The following NELL1 variants were observed in gnomAD, a reference collection of about 807,000 sequenced individuals.
NELL1 encodes protein kinase C-binding protein NELL1.
A neutral mutation model predicts 107.4 loss-of-function variants in NELL1; 76 were observed. That is an observed-to-expected ratio of 0.71 (90% confidence interval 0.59 to 0.86). NELL1 has a LOEUF of 0.86. Among genes scored for constraint, NELL1 ranks in the 40% least tolerant of loss-of-function variants. NELL1 has a pLI of 0.00. For missense variants in NELL1, 1,024 were observed against 1,005.5 expected (o/e 1.02, Z -0.25); for synonymous variants, 353 against 341.2 (o/e 1.03, Z -0.38).
intron 2 of NELL1, among the ~76,000 whole-genome samples, chr11:20,775,612 A>G (rs1453803702): frequency 6.6e-6 from 1 of 152,114 alleles, no homozygotes; most frequent in African/African-American, 2.4e-5. Flanking sequence ...GGATGGGGAT[A>G]AGGGGACTTG....
chr11:21,535,531 C>T (rs565104801), intron 16 of NELL1, among the ~76,000 whole-genome samples: 2 of 152,210 alleles, frequency 1.3e-5, no homozygotes, highest in South Asian at 4.1e-4. Context: ...ACAATGGCCA[C>T]GTGGCATGAA....
intron 3 of NELL1, among the ~76,000 whole-genome samples, chr11:20,796,689 G>A (rs190518094): frequency 6.6e-6 from 1 of 152,254 alleles, no homozygotes; most frequent in East Asian, 1.9e-4. Flanking sequence ...TCATTCTGGA[G>A]ATAACAATGC....
intron 5 of NELL1, among the ~76,000 whole-genome samples, chr11:20,897,417 A>T (rs1418952609): frequency 1.3e-5 from 2 of 152,218 alleles, no homozygotes; most frequent in Non-Finnish European, 2.9e-5. Flanking sequence ...TTAATTCAAG[A>T]TGGATTAAAT....
chr11:20,715,337 C>A (rs1855224714), intron 2 of NELL1, among the ~76,000 whole-genome samples: 1 of 150,002 alleles, frequency 6.7e-6, no homozygotes. Flanking sequence ...ATTTCAAATA[C>A]CTAAAATTTA....
chr11:20,989,098 T>A (rs1030954399), intron 12 of NELL1, among the ~76,000 whole-genome samples: 3 of 152,182 alleles, frequency 2.0e-5, no homozygotes, highest in African/African-American at 7.2e-5. Context: ...TTGCCTATAC[T>A]CATATAGCCA....
intron 14 of NELL1, among the ~76,000 whole-genome samples, chr11:21,334,407 C>G (rs1005272457): frequency 2.0e-5 from 3 of 151,788 alleles, no homozygotes; most frequent in Admixed American, 1.3e-4. Context: ...AGTCACAAAG[C>G]CCTTACGAAA....
chr11:21,322,436 ATC>A (rs1391193295), intron 14 of NELL1, among the ~76,000 whole-genome samples: 1 of 152,122 alleles, frequency 6.6e-6, no homozygotes, highest in Non-Finnish European at 1.5e-5. Flanking sequence ...AAGATGTGGT[ATC>A]TCCTACAAGA....
At chr11:21,131,439 T>C (rs966035928) in intron 13 of NELL1, among the ~76,000 whole-genome samples, 5 of 152,172 alleles carry the variant, frequency 3.3e-5, no homozygotes, top group Admixed American at 2.0e-4. Flanking sequence ...ACATACTACA[T>C]AGCCTCAGGC....
At chr11:21,066,606 G>T (rs184987919) in intron 12 of NELL1, among the ~76,000 whole-genome samples, 3 of 152,208 alleles carry the variant, frequency 2.0e-5, no homozygotes, top group Non-Finnish European at 2.9e-5. Context: ...TTATTAGAAT[G>T]CCTATCTTTC....
intron 15 of NELL1, among the ~76,000 whole-genome samples, chr11:21,471,148 T>C (rs779408024): frequency 1.3e-5 from 2 of 152,060 alleles, no homozygotes; most frequent in African/African-American, 2.4e-5. Flanking sequence ...ATCCTTGTGG[T>C]CATAAAACGA....
At chr11:20,799,773 A>G (rs1447593191) in intron 3 of NELL1, among the ~76,000 whole-genome samples, 2 of 152,184 alleles carry the variant, frequency 1.3e-5, no homozygotes, top group East Asian at 3.9e-4. Flanking sequence ...GGAGATATGA[A>G]TGACTTTGGG....
At chr11:20,787,914 T>A (rs1301601400) in intron 3 of NELL1, among the ~76,000 whole-genome samples, 1 of 152,218 alleles carries the variant, frequency 6.6e-6, no homozygotes, top group Non-Finnish European at 1.5e-5. Context: ...TCTGTCTCTG[T>A]AGATTTGCCT....
At chr11:21,482,408 G>A (rs1854515427) in intron 15 of NELL1, among the ~76,000 whole-genome samples, 1 of 152,152 alleles carries the variant, frequency 6.6e-6, no homozygotes, top group Admixed American at 6.5e-5. Context: ...CAGGCTGTTA[G>A]CATGCCATAC....
chr11:21,062,470 C>G (rs1853764784), intron 12 of NELL1, among the ~76,000 whole-genome samples: 1 of 152,178 alleles, frequency 6.6e-6, no homozygotes, highest in Non-Finnish European at 1.5e-5. Flanking sequence ...AATCTATTAA[C>G]TAGAAAGCTT....
chr11:20,778,205 T>C (rs896349981), intron 2 of NELL1, among the ~76,000 whole-genome samples: 1 of 152,160 alleles, frequency 6.6e-6, no homozygotes, highest in African/African-American at 2.4e-5. Context: ...GCCTCCTCTG[T>C]TTTTTTGTGC....
intron 13 of NELL1, among the ~76,000 whole-genome samples, chr11:21,161,528 T>C (rs1462011566): frequency 6.6e-6 from 1 of 152,044 alleles, no homozygotes; most frequent in Non-Finnish European, 1.5e-5. Flanking sequence ...CAGAATGAGA[T>C]TCTGTCTCAA....
At chr11:21,259,854 A>G (rs969390055) in intron 14 of NELL1, among the ~76,000 whole-genome samples, 5 of 151,924 alleles carry the variant, frequency 3.3e-5, no homozygotes, top group Middle Eastern at 3.2e-3. Flanking sequence ...TTTGCATTTA[A>G]GTTGAATTTA....
rs767785240 is a variant in NELL1, at chr11:20,674,612, AG to A, written c.56-3318del. 3 of 1,188,528 alleles carry A rather than the reference AG, an allele frequency of 2.5e-6. No homozygotes were observed. In the African/African-American group the frequency reaches 4.6e-5, roughly 18 times the overall value. 73.6% of individuals were successfully genotyped at this position (1,188,528 alleles called of 1,614,324 possible). A position where few individuals can be genotyped will look rare whatever the true frequency, so the allele number is the denominator to read the frequency against. On this transcript the variant is annotated intron_variant, in intron 1 of 19. Coordinates refer to ENST00000357134, the MANE Select transcript of NELL1 (RefSeq NM_006157.5). ...TCCTATTTTATGGATGAGGAAACTGAGGCTTGATAAATGAATGCTTTTCTTA... is the reference window on the plus strand; with the variant it reads ...TCCTATTTTATGGATGAGGAAACTGAGCTTGATAAATGAATGCTTTTCTTA...
At chr11:20,806,592 A>C (rs1328881951) in intron 3 of NELL1, among the ~76,000 whole-genome samples, 1 of 152,044 alleles carries the variant, frequency 6.6e-6, no homozygotes, top group Non-Finnish European at 1.5e-5. Flanking sequence ...AGATTTGGGA[A>C]GCTCCTTGTT....
Sources: gnomAD v4.1 joint callset for allele counts (sites outside exome capture counted in the v4.1 genomes callset) on GRCh38, gnomAD v4.1.1 for gene constraint, MANE v1.5 for transcripts, NCBI Gene and HGNC (gene_info 2026-07-23, HGNC 2026-07-21) for gene names.